PPP1R37: variants seen among roughly 807,000 people sequenced by gnomAD.
PPP1R37 encodes protein phosphatase 1 regulatory subunit 37.
PPP1R37 carries 21 observed loss-of-function variants against 61.0 expected under a neutral mutation model. That is an observed-to-expected ratio of 0.34 (90% CI 0.24 to 0.50). The LOEUF (loss-of-function observed/expected upper bound fraction) is 0.50. PPP1R37 is among the 20% of genes least tolerant of loss of function. PPP1R37 has a pLI of 0.98. For missense variants in PPP1R37, 910 were observed against 952.7 expected (o/e 0.96, Z 0.59); for synonymous variants, 443 against 433.5 (o/e 1.02, Z -0.27).
chr19:45,129,901 T>C (rs1968454867), intron 1 of PPP1R37, among the ~76,000 whole-genome samples: 1 of 152,208 alleles, frequency 6.6e-6, no homozygotes, highest in African/African-American at 2.4e-5. Context: ...ACAAGTTTAA[T>C]ATGGAAAAAA....
chr19:45,123,547 G>A lies in PPP1R37; in HGVS notation c.203-14967G>A, dbSNP rs560398805. ...TCAGGGTACTGATGCAGGACAGACAGCTCTGGTTCAAACCTCCCTCTGTCC... is the reference window on the plus strand; with the variant it reads ...TCAGGGTACTGATGCAGGACAGACAACTCTGGTTCAAACCTCCCTCTGTCC... On this transcript the variant is annotated intron_variant, in intron 1 of 12. Transcript: ENST00000221462. Among the ~76,000 whole-genome samples, 8 of 152,346 alleles carry A rather than the reference G, an allele frequency of 5.3e-5. No homozygotes were observed. The South Asian group carries it at 1.7e-3, about 32-fold the overall frequency.
rs562643679 is a variant in PPP1R37 at position 45,146,003 on chromosome 19, G to A, written c.1947G>A (p.Pro649=). The A allele has an allele frequency of 4.1e-5, 63 of 1,532,984 alleles. No individual in the cohort carries two copies. The African/African-American group carries it at 7.0e-4, about 17-fold the overall frequency. The allele number at this position is 1,532,984 out of a possible 1,614,324, so 95.0% of individuals were successfully genotyped here. A position where few individuals can be genotyped will look rare whatever the true frequency, so the allele number is the denominator to read the frequency against. ...PEFALALPPE[P]PPGPEVKGGS... ...TCGCCCTGGCACTGCCCCCTGAGCC[G>A]CCCCCGGGGCCTGAGGTCAAGGGGG... The change falls in exon 11 of 13, where the codon CCG becomes CCA. Residue 649 remains proline, a synonymous_variant. Coordinates refer to ENST00000221462, the MANE Select transcript of PPP1R37 (RefSeq NM_019121.2).
chr19:45,094,620 A>T (rs1036401770), intron 1 of PPP1R37, among the ~76,000 whole-genome samples: 1 of 152,130 alleles, frequency 6.6e-6, no homozygotes, highest in Non-Finnish European at 1.5e-5. Flanking sequence ...CCATCTACTC[A>T]AGAGGCTGAG....
At chr19:45,142,030 G>C (rs1968618578) in intron 5 of PPP1R37, 31 bp from the exon 6 acceptor site, 2 of 1,475,016 alleles carry the variant, frequency 1.4e-6, no homozygotes, top group South Asian at 1.3e-5. Flanking sequence ...GCCTGAGCCA[G>C]TGCCTCACCC....
At chr19:45,144,623 C>G (rs1028046364) in intron 8 of PPP1R37, 2 of 533,546 alleles carry the variant, frequency 3.7e-6, no homozygotes, top group African/African-American at 4.0e-5. Flanking sequence ...GACTGGGTGC[C>G]TGGGGAGCTG....
Position 45,145,779 on chromosome 19 carries a change from G to A in PPP1R37, c.1723G>A (p.Glu575Lys), listed in dbSNP as rs1164602280. The change falls in exon 11 of 13, where the codon GAG becomes AAG. Residue 575 changes from glutamate (E) to lysine (K), a missense_variant. Physicochemically the swap from Glu to Lys is moderately conservative, Grantham distance 56. Coordinates refer to ENST00000221462, the MANE Select transcript of PPP1R37 (RefSeq NM_019121.2). The stretch of plus-strand genomic sequence containing the variant: ...CAAGGTGTTTGTGGTGACCCGGGTG[G>A]AGAGCCCGCCCGAGAGGGCAGAGCC... ...GHKVFVVTRV[E>K]SPPERAEPPA... 6.6e-7 allele frequency: 1 copy of A among 1,512,898 alleles called. No homozygotes were observed. The highest frequency in any genetic ancestry group is 1.2e-5 in the South Asian group (1 of 80,490). The allele number at this position is 1,512,898 out of a possible 1,614,324, so 93.7% of individuals were successfully genotyped here.
chr19:45,113,510 A>C (rs781161886), intron 1 of PPP1R37, among the ~76,000 whole-genome samples: 4 of 152,212 alleles, frequency 2.6e-5, no homozygotes, highest in Non-Finnish European at 4.4e-5. Flanking sequence ...CACTCCTGGC[A>C]GCCAGAGCCC....
intron 1 of PPP1R37, among the ~76,000 whole-genome samples, chr19:45,118,624 G>C (rs1040086282): frequency 2.6e-5 from 4 of 152,220 alleles, no homozygotes; most frequent in African/African-American, 9.6e-5. Context: ...CCTGCCGAAC[G>C]TTGGGACACC....
intron 1 of PPP1R37, among the ~76,000 whole-genome samples, chr19:45,126,044 G>T (rs1368779132): frequency 1.3e-5 from 2 of 152,242 alleles, no homozygotes; most frequent in Non-Finnish European, 2.9e-5. Context: ...AGATAGGGGT[G>T]GATGGTGCCC....
chr19:45,105,142 G>A (rs1165743909), intron 1 of PPP1R37, among the ~76,000 whole-genome samples: 2 of 152,160 alleles, frequency 1.3e-5, no homozygotes, highest in East Asian at 3.9e-4. Flanking sequence ...GAAGTGGCAT[G>A]CAATGCTGGG....
chr19:45,146,280 C>A, intron 11 of PPP1R37, 110 bp from the exon 12 acceptor site: 1 of 1,045,834 alleles, frequency 9.6e-7, no homozygotes, highest in Non-Finnish European at 1.4e-6. Flanking sequence ...ACCATCTCAG[C>A]GGTCTCTGGG....
chr19:45,114,777 C>A (rs1339236667), intron 1 of PPP1R37, among the ~76,000 whole-genome samples: 2 of 151,852 alleles, frequency 1.3e-5, no homozygotes, highest in East Asian at 1.9e-4. Flanking sequence ...GAGACCCCCC[C>A]CCCCATCTCC....
intron 1 of PPP1R37, among the ~76,000 whole-genome samples, chr19:45,108,316 T>C (rs577831590): frequency 4.4e-4 from 67 of 152,226 alleles, no homozygotes; most frequent in East Asian, 3.7e-3. Flanking sequence ...CTCAAGCCAT[T>C]CTCCTGCCTT....
intron 1 of PPP1R37, among the ~76,000 whole-genome samples, chr19:45,107,491 C>G (rs112814273): frequency 5.5e-4 from 84 of 152,258 alleles, no homozygotes; most frequent in Non-Finnish European, 1.1e-3. Flanking sequence ...GTAGTCCCAG[C>G]TACCTGGGAG....
chr19:45,128,055 A>G (rs1968431185), intron 1 of PPP1R37, among the ~76,000 whole-genome samples: 1 of 152,200 alleles, frequency 6.6e-6, no homozygotes, highest in Non-Finnish European at 1.5e-5. Context: ...ATTTATCGAA[A>G]TACCACATGT....
Position 45,146,952 on chromosome 19 carries a change from C to T in PPP1R37, c.*390C>T, listed in dbSNP as rs1461644968. The T allele has an allele frequency of 6.0e-6, 1 of 165,722 alleles. No homozygotes were observed. The highest frequency in any genetic ancestry group is 1.3e-5 in the Non-Finnish European group (1 of 76,098). The allele number at this position is 165,722 out of a possible 1,614,324, so 10.3% of individuals were successfully genotyped here. ...CCGGGCACAGGGCCGGGCAGGCAGCCTGGTGCCGGAGAGGCGGTGCGTGCT... is the reference window on the plus strand; with the variant it reads ...CCGGGCACAGGGCCGGGCAGGCAGCTTGGTGCCGGAGAGGCGGTGCGTGCT... On this transcript the variant is annotated 3_prime_UTR_variant, in exon 13 of 13. Transcript: ENST00000221462.
chr19:45,108,676 T>A (rs1968163439), intron 1 of PPP1R37: 1 of 150,834 alleles, frequency 6.6e-6, no homozygotes, highest in African/African-American at 2.4e-5. Context: ...AGTTTCACTC[T>A]TGTTGCCCAG....
rs981732719 is a variant in PPP1R37 at position 45,145,614 on chromosome 19, G to A, written c.1558G>A (p.Glu520Lys). The change falls in exon 11 of 13, where the codon GAA (glutamate) becomes AAA (lysine). Residue 520 changes from glutamate (E) to lysine (K), a missense_variant. This residue lies in a region of PPP1R37 where 549 missense variants were observed against 505.1 expected (regional missense o/e 1.09). Coordinates refer to ENST00000221462, the MANE Select transcript of PPP1R37 (RefSeq NM_019121.2). ...GGATGGGGAGGAAGAGGAGGAAGAG[G>A]AAGGGGAGAGGGACGAGACCCCCTG... ...DSDGEEEEEE[E>K]GERDETPCPA... 3.0e-5 allele frequency: 46 copies of A among 1,536,038 alleles called. No individual in the cohort carries two copies. In the African/African-American group the frequency reaches 5.9e-4, roughly 20 times the overall value.
At position 45,145,084 on chromosome 19, in the gene PPP1R37, G is replaced by GCC; in HGVS notation, c.1130-4_1130-3dup. 2 of 1,531,380 alleles carry GCC rather than the reference G, an allele frequency of 1.3e-6. No individual in the cohort carries two copies. Among genetic ancestry groups the GCC allele is most frequent in the East Asian group, 2.5e-5 (1 of 40,548 alleles). The allele number at this position is 1,531,380 out of a possible 1,614,324, so 94.9% of individuals were successfully genotyped here. On this transcript the variant is annotated splice_polypyrimidine_tract_variant and intron_variant, in intron 9 of 12. Transcript: ENST00000221462. ...GGGGCCCGTGGCCAGCCCCTGCGGT[G>GCC]CCCCCCCAGGCGCGGTGGCGGTGGC...
Sources: gnomAD v4.1 joint callset for allele counts (sites outside exome capture counted in the v4.1 genomes callset) on GRCh38, gnomAD v4.1.1 for gene constraint, gnomAD v4.1.1 regional missense constraint, MANE v1.5 for transcripts, NCBI Gene and HGNC (gene_info 2026-07-23, HGNC 2026-07-21) for gene names.